HPGDS: variants seen among roughly 807,000 people sequenced by gnomAD.
HPGDS encodes the protein GST class-sigma.
HPGDS carries 26 observed loss-of-function variants against 23.1 expected under a neutral mutation model. The ratio of observed to expected loss-of-function variants is 1.13; its 90% confidence interval spans 0.83 to 1.56. HPGDS has a LOEUF of 1.56. Ranked by LOEUF, HPGDS falls within the 40% of genes most tolerant of loss-of-function variation. The pLI, the probability that HPGDS is intolerant of heterozygous loss-of-function variation, is 0.00. For synonymous variants in HPGDS, 95 were observed against 77.9 expected (o/e 1.22, Z -1.16); for missense variants, 268 against 236.4 (o/e 1.13, Z -0.88).
chr4:94,309,441 C>T (rs1756213817), intron 3 of HPGDS, among the ~76,000 whole-genome samples: 1 of 151,982 alleles, frequency 6.6e-6, no homozygotes, highest in Admixed American at 6.6e-5. Flanking sequence ...CATCCATGAC[C>T]CTACAAAGGA....
At chr4:94,331,093 G>A (rs1756727950) in intron 2 of HPGDS, among the ~76,000 whole-genome samples, 1 of 152,220 alleles carries the variant, frequency 6.6e-6, no homozygotes, top group Non-Finnish European at 1.5e-5. Context: ...AGCAGTATAT[G>A]AGTGGTTGAA....
At chr4:94,307,208 CA>C (rs1265597013) in intron 4 of HPGDS, among the ~76,000 whole-genome samples, 3 of 151,660 alleles carry the variant, frequency 2.0e-5, no homozygotes, top group African/African-American at 7.3e-5. Flanking sequence ...AATAAGGCCC[CA>C]AAAGCCCCAA....
intron 5 of HPGDS, among the ~76,000 whole-genome samples, chr4:94,301,035 T>C (rs1756030764): frequency 6.6e-6 from 1 of 152,126 alleles, no homozygotes; most frequent in South Asian, 2.1e-4. Context: ...TAGAAATTTT[T>C]CAATAGGGCA....
At chr4:94,315,961 T>A (rs770824848) in intron 3 of HPGDS, among the ~76,000 whole-genome samples, 1 of 152,202 alleles carries the variant, frequency 6.6e-6, no homozygotes, top group African/African-American at 2.4e-5. Context: ...CTCTGATTAC[T>A]CTTTTGGCCC....
chr4:94,319,099 G>C (rs1452837198), intron 2 of HPGDS, among the ~76,000 whole-genome samples: 9 of 152,058 alleles, frequency 5.9e-5, no homozygotes, highest in Admixed American at 5.9e-4. Flanking sequence ...TGGTTTTCTG[G>C]CTAGATTATC....
At chr4:94,341,362 A>G (rs1187721646) in intron 1 of HPGDS, among the ~76,000 whole-genome samples, 4 of 152,236 alleles carry the variant, frequency 2.6e-5, no homozygotes, top group African/African-American at 7.2e-5. Flanking sequence ...CAAAAATTCT[A>G]GTCTCTGTGC....
At chr4:94,316,177 G>A (rs779097692) in intron 3 of HPGDS, among the ~76,000 whole-genome samples, 2 of 152,062 alleles carry the variant, frequency 1.3e-5, no homozygotes, top group Non-Finnish European at 2.9e-5. Context: ...CATTGAGGAG[G>A]GTATTGCAAG....
At chr4:94,321,748 C>A (rs1217503980) in intron 2 of HPGDS, among the ~76,000 whole-genome samples, 1 of 152,132 alleles carries the variant, frequency 6.6e-6, no homozygotes, top group South Asian at 2.1e-4. Flanking sequence ...AATTGAATAA[C>A]CTTTATTTCT....
intron 4 of HPGDS, among the ~76,000 whole-genome samples, chr4:94,304,075 G>T (rs754750094): frequency 6.6e-6 from 1 of 151,342 alleles, no homozygotes; most frequent in African/African-American, 2.4e-5. Context: ...ATCCATCCTA[G>T]ATAGCCACTC....
chr4:94,311,567 G>A (rs1032366570), intron 3 of HPGDS, among the ~76,000 whole-genome samples: 3 of 151,274 alleles, frequency 2.0e-5, no homozygotes, highest in East Asian at 3.9e-4. Flanking sequence ...TTTTCCAATC[G>A]ATGTTCATCA....
At chr4:94,338,065 C>G (rs990170991) in intron 1 of HPGDS, among the ~76,000 whole-genome samples, 1 of 152,136 alleles carries the variant, frequency 6.6e-6, no homozygotes, top group Non-Finnish European at 1.5e-5. Context: ...ATTATATTTT[C>G]TGTTTGTCTC....
At chr4:94,329,436 A>G (rs958732562) in intron 2 of HPGDS, among the ~76,000 whole-genome samples, 1 of 152,188 alleles carries the variant, frequency 6.6e-6, no homozygotes. Flanking sequence ...GAGAGATTTG[A>G]AAATCTTATT....
rs1721106702 is a variant in HPGDS at position 94,340,058 on chromosome 4, T to C, written c.-10+2737A>G. Among the ~76,000 whole-genome samples, 3 of 152,094 alleles carry C rather than the reference T, an allele frequency of 2.0e-5. 1 individual carries two copies. In the South Asian group the frequency reaches 6.2e-4, roughly 32 times the overall value. The stretch of plus-strand genomic sequence containing the variant: ...TCTCCGCCTCCTGGGTTCAAGCGAT[T>C]ATCCTGCCTCAGTCTCCCAAGTAGC... On this transcript the variant is annotated intron_variant, in intron 1 of 5. Transcript: ENST00000295256.
chr4:94,336,784 G>C (rs778765459), intron 1 of HPGDS, among the ~76,000 whole-genome samples: 1 of 152,060 alleles, frequency 6.6e-6, no homozygotes, highest in African/African-American at 2.4e-5. Context: ...CTAAGAGCAC[G>C]AAAATAGTAA....
chr4:94,313,050 T>C (rs1218630447), intron 3 of HPGDS, among the ~76,000 whole-genome samples: 11 of 152,154 alleles, frequency 7.2e-5, no homozygotes, highest in Admixed American at 3.3e-4. Context: ...TGAGATGGGT[T>C]TCCTGAATAC....
Position 94,299,588 on chromosome 4 carries a change from C to T in HPGDS, c.492G>A (p.Lys164=). ...TTGGATGGTTGTCTAACAGGTCAGGCTTAAAGACCAAAAGTGTGGTACTGC... is the reference window on the plus strand; with the variant it reads ...TTGGATGGTTGTCTAACAGGTCAGGTTTAAAGACCAAAAGTGTGGTACTGC... ...EICSTTLLVF[K]PDLLDNHPRL... is the part of the protein sequence containing the mutation. The change falls in exon 6 of 6, where the codon AAG becomes AAA. Residue 164 remains lysine (K), a synonymous_variant. Transcript: ENST00000295256. The T allele has an allele frequency of 1.2e-6, 2 of 1,614,118 alleles. No homozygotes were observed. The highest frequency in any genetic ancestry group is 1.7e-6 in the Non-Finnish European group (2 of 1,180,000).
At chr4:94,315,070 T>A (rs985854638) in intron 3 of HPGDS, among the ~76,000 whole-genome samples, 1 of 152,190 alleles carries the variant, frequency 6.6e-6, no homozygotes, top group African/African-American at 2.4e-5. Context: ...GATAATCACC[T>A]AACCCCTTGC....
chr4:94,323,272 G>A (rs11935640), intron 2 of HPGDS, among the ~76,000 whole-genome samples: 3,771 of 152,252 alleles, frequency 0.025, 103 homozygotes, highest in African/African-American at 0.075. Context: ...GTAGTTGTCT[G>A]TTAGGTCTGC....
intron 3 of HPGDS, among the ~76,000 whole-genome samples, chr4:94,313,486 A>T (rs1476180805): frequency 6.7e-6 from 1 of 149,362 alleles, no homozygotes; most frequent in African/African-American, 2.5e-5. Context: ...TCTGGCTTGT[A>T]GAGTTTCTGC....
Sources: gnomAD v4.1 joint callset for allele counts (sites outside exome capture counted in the v4.1 genomes callset) on GRCh38, gnomAD v4.1.1 for gene constraint, MANE v1.5 for transcripts, NCBI Gene and HGNC (gene_info 2026-07-23, HGNC 2026-07-21) for gene names.